Variants in ANK3 observed in about 807,000 individuals in gnomAD.
The protein encoded by ANK3 is ankyrin-3.
In ANK3, 57 loss-of-function variants were observed where a neutral mutation model predicts 370.9. The observed-to-expected ratio is 0.15, with a 90% CI of 0.12 to 0.19. ANK3 has a LOEUF of 0.19. Ranked by LOEUF, ANK3 falls within the 10% of genes least tolerant of loss-of-function variation. The pLI is 1.00. For synonymous variants in ANK3, 1,929 were observed against 1,946.3 expected, an observed-to-expected ratio of 0.99 and a Z score of 0.23; for missense variants, 4,439 against 5,302.1, an observed-to-expected ratio of 0.84 and a Z score of 5.06.
intron 2 of ANK3, among the ~76,000 whole-genome samples, chr10:60,491,100 T>C (rs78847875): frequency 0.13 from 19,834 of 152,276 alleles, 1,516 homozygotes; most frequent in African/African-American, 0.21. Context: ...TGTTGTTGCA[T>C]GGTATCAGTT....
chr10:60,479,269 G>A (rs1322237357), intron 2 of ANK3, among the ~76,000 whole-genome samples: 1 of 151,942 alleles, frequency 6.6e-6, no homozygotes, highest in Non-Finnish European at 1.5e-5. Context: ...TTTTTATACT[G>A]CTTTTTCCTA....
chr10:60,307,353 G>C (rs2132830759), intron 1 of ANK3, among the ~76,000 whole-genome samples: 1 of 152,106 alleles, frequency 6.6e-6, no homozygotes, highest in Non-Finnish European at 1.5e-5. Flanking sequence ...TTTTTATAGA[G>C]ACAGAGTCCC....
intron 1 of ANK3, chr10:60,685,059 G>C: frequency 7.3e-7 from 1 of 1,368,318 alleles, no homozygotes; most frequent in Non-Finnish European, 1.0e-6. Flanking sequence ...TGCATGATAT[G>C]ATCATTAAAG....
intron 9 of ANK3, among the ~76,000 whole-genome samples, chr10:60,208,494 CATAACTTAGAGGCAT>C (rs747350339): frequency 1.3e-5 from 2 of 152,136 alleles, no homozygotes; most frequent in African/African-American, 2.4e-5. Flanking sequence ...CAGCATGGGT[CATAACTTAGAGGCAT>C]ATGAATTTTA....
intron 2 of ANK3, among the ~76,000 whole-genome samples, chr10:60,595,596 G>A (rs995148252): frequency 3.3e-5 from 5 of 152,176 alleles, no homozygotes; most frequent in East Asian, 1.9e-4. Flanking sequence ...GAAATCTTGC[G>A]GTCTCTGGCT....
intron 2 of ANK3, among the ~76,000 whole-genome samples, chr10:60,444,698 C>A (rs1306131311): frequency 6.6e-6 from 1 of 151,602 alleles, no homozygotes; most frequent in African/African-American, 2.4e-5. Flanking sequence ...ATCTTTTTTT[C>A]TTTTTAAGCA....
chr10:60,188,035 C>G (rs966503020), intron 16 of ANK3, among the ~76,000 whole-genome samples: 2 of 152,178 alleles, frequency 1.3e-5, no homozygotes, highest in Admixed American at 6.5e-5. Flanking sequence ...GTTTATTTAT[C>G]TGTCCCCTCC....
intron 7 of ANK3, among the ~76,000 whole-genome samples, chr10:60,239,877 A>T (rs1249033768): frequency 1.3e-5 from 2 of 152,058 alleles, no homozygotes; most frequent in Admixed American, 1.3e-4. Flanking sequence ...GTATACTGTG[A>T]TAAGTTAATG....
chr10:60,042,541 C>T (rs948616165), intron 43 of ANK3, 131 bp downstream of exon 43: 26 of 917,560 alleles, frequency 2.8e-5, no homozygotes, highest in Middle Eastern at 2.2e-4. Context: ...TGAACAACTT[C>T]GTATTTGATT....
At chr10:60,034,085 T>A (rs542592811) in intron 43 of ANK3, among the ~76,000 whole-genome samples, 3 of 150,912 alleles carry the variant, frequency 2.0e-5, no homozygotes, top group South Asian at 4.2e-4. Flanking sequence ...GTTTTTGTTT[T>A]TTTTTTTGTT....
intron 2 of ANK3, among the ~76,000 whole-genome samples, chr10:60,598,921 T>C (rs1207918507): frequency 6.6e-6 from 1 of 152,102 alleles, no homozygotes; most frequent in African/African-American, 2.4e-5. Context: ...CTGGTAGTTA[T>C]TTGTGTTGTT....
intron 4 of ANK3, among the ~76,000 whole-genome samples, chr10:60,272,033 G>A (rs546244694): frequency 5.3e-5 from 8 of 151,402 alleles, no homozygotes; most frequent in African/African-American, 1.9e-4. Flanking sequence ...GTTTTATCAT[G>A]AAACATTCTA....
chr10:60,731,247 GA>G (rs1424214452), intron 1 of ANK3, among the ~76,000 whole-genome samples: 1 of 151,856 alleles, frequency 6.6e-6, no homozygotes, highest in African/African-American at 2.4e-5. Context: ...ATTAAGTACT[GA>G]AAAAAAGAAA....
chr10:60,451,311 G>T (rs1015782984), intron 2 of ANK3, among the ~76,000 whole-genome samples: 6 of 152,306 alleles, frequency 3.9e-5, no homozygotes, highest in South Asian at 2.1e-4. Context: ...GTAGTCACTT[G>T]CTATGGCAAC....
chr10:60,529,720 A>G (rs2076560164), intron 2 of ANK3, among the ~76,000 whole-genome samples: 1 of 152,162 alleles, frequency 6.6e-6, no homozygotes, highest in African/African-American at 2.4e-5. Flanking sequence ...GGTTCTGATT[A>G]AGCACTGGCA....
At chr10:60,257,250 C>T (rs927336001) in intron 7 of ANK3, among the ~76,000 whole-genome samples, 2 of 152,118 alleles carry the variant, frequency 1.3e-5, no homozygotes, top group African/African-American at 2.4e-5. Flanking sequence ...GGTCCAATAT[C>T]GATCAAAACC....
chr10:60,088,579 C>A (rs1410817440), intron 28 of ANK3, among the ~76,000 whole-genome samples: 1 of 152,164 alleles, frequency 6.6e-6, no homozygotes, highest in Non-Finnish European at 1.5e-5. Flanking sequence ...GCATGCACCT[C>A]CATGCCCAGC....
chr10:60,383,031 G>A (rs2061762514), intron 1 of ANK3, among the ~76,000 whole-genome samples: 1 of 151,930 alleles, frequency 6.6e-6, no homozygotes, highest in Non-Finnish European at 1.5e-5. Flanking sequence ...CACCCTGGAT[G>A]TCCATTAATA....
chr10:60,380,845 G>A (rs1047855864), intron 1 of ANK3, among the ~76,000 whole-genome samples: 2 of 152,148 alleles, frequency 1.3e-5, no homozygotes, highest in African/African-American at 4.8e-5. Flanking sequence ...GGCAGTTATG[G>A]AAGTGGGCCA....
Sources: allele counts gnomAD v4.1 joint callset (sites outside exome capture counted in the v4.1 genomes callset), GRCh38; gene constraint gnomAD v4.1.1; transcripts MANE v1.5; gene names NCBI Gene and HGNC (gene_info 2026-07-23, HGNC 2026-07-21).